The following EIF2B3 variants were observed in gnomAD, a reference collection of about 807,000 sequenced individuals.
EIF2B3 encodes the protein translation initiation factor eIF2B subunit gamma.
EIF2B3 carries 20 observed loss-of-function variants against 54.1 expected under a neutral mutation model. That is an observed-to-expected ratio of 0.37 (90% CI 0.26 to 0.54). The LOEUF (loss-of-function observed/expected upper bound fraction) is 0.54, where lower values mean the gene tolerates loss of function less well. Ranked by LOEUF, EIF2B3 falls within the 20% of genes least tolerant of loss-of-function variation. EIF2B3 has a pLI of 0.86. For missense variants in EIF2B3, 448 were observed against 547.8 expected (o/e 0.82, Z 1.82); for synonymous variants, 153 against 188.1 (o/e 0.81, Z 1.52).
chr1:44,938,374 T>C (rs957385234), intron 4 of EIF2B3, among the ~76,000 whole-genome samples: 4 of 151,720 alleles, frequency 2.6e-5, no homozygotes, highest in Non-Finnish European at 5.9e-5. Flanking sequence ...TTGACAGGAG[T>C]GATGGCTGGT....
intron 6 of EIF2B3, among the ~76,000 whole-genome samples, chr1:44,892,482 AGGAG>A (rs368852811): frequency 1.6e-4 from 25 of 152,124 alleles, no homozygotes; most frequent in African/African-American, 6.0e-4. Context: ...CGGGAGGCTG[AGGAG>A]GGAGGATCAC....
chr1:44,876,703 A>G (rs1448400641), intron 8 of EIF2B3, among the ~76,000 whole-genome samples: 1 of 138,236 alleles, frequency 7.2e-6, no homozygotes, highest in Non-Finnish European at 1.5e-5. Flanking sequence ...TGTACCCAAC[A>G]GCTCATTGAG....
In EIF2B3 at chr1:44,975,703, G is replaced by A. The variant is rs137995246; in HGVS notation, c.294+2612C>T. Among the ~76,000 whole-genome samples the A allele has an allele frequency of 5.2e-3, 788 of 152,276 alleles. 10 individuals carry two copies. Among genetic ancestry groups the A allele is most frequent in the African/African-American group, 0.018 (755 of 41,556 alleles). On this transcript the variant is annotated intron_variant, in intron 3 of 11. Transcript: ENST00000360403. The stretch of plus-strand genomic sequence containing the variant: ...TGTCAAATCTGAGCTGGGTGAGGTC[G>A]CTCATGTGTGTAATCCCAGCACTTT...
At chr1:44,975,181 A>G (rs1195123075) in intron 3 of EIF2B3, among the ~76,000 whole-genome samples, 5 of 152,094 alleles carry the variant, frequency 3.3e-5, no homozygotes, top group African/African-American at 1.2e-4. Flanking sequence ...ACACCACTGC[A>G]CTCCAGCCTG....
rs116735076 is a variant in EIF2B3, at chr1:44,908,113, C to T, written c.567-10669G>A. 2.2e-3 allele frequency among the ~76,000 whole-genome samples: 328 copies of T among 152,274 alleles called. 2 individuals carry two copies. Among genetic ancestry groups the T allele is most frequent in the Non-Finnish European group, 3.7e-3 (250 of 68,022 alleles). On this transcript the variant is annotated intron_variant, in intron 5 of 11. Transcript: ENST00000360403. ...AATTCACAAGATTAAGAAGTCTCAG[C>T]TCTGCCTATAAAGACTCTGTTGCCA...
intron 5 of EIF2B3, among the ~76,000 whole-genome samples, chr1:44,915,271 G>T (rs1030785454): frequency 1.3e-5 from 2 of 151,230 alleles, no homozygotes; most frequent in African/African-American, 2.4e-5. Flanking sequence ...CTGCACTCCA[G>T]TCTGGGTGAC....
chr1:44,983,127 A>G (rs529003159), intron 1 of EIF2B3, among the ~76,000 whole-genome samples: 3 of 152,084 alleles, frequency 2.0e-5, no homozygotes, highest in South Asian at 2.1e-4. Flanking sequence ...TATGCTGCCC[A>G]GGCTGGTCTC....
intron 3 of EIF2B3, among the ~76,000 whole-genome samples, chr1:44,943,047 C>T (rs149366364): frequency 4.0e-5 from 6 of 151,266 alleles, no homozygotes; most frequent in Non-Finnish European, 5.9e-5. Flanking sequence ...TTAGTAGAGA[C>T]GGTGTTTCAC....
At chr1:44,986,053 G>C (rs1402131298) in intron 1 of EIF2B3, among the ~76,000 whole-genome samples, 1 of 152,122 alleles carries the variant, frequency 6.6e-6, no homozygotes, top group Admixed American at 6.6e-5. Flanking sequence ...AGTGCTAAAG[G>C]CGTCTGGTAC....
At chr1:44,919,775 G>A (rs1459158104) in intron 5 of EIF2B3, among the ~76,000 whole-genome samples, 1 of 142,814 alleles carries the variant, frequency 7.0e-6, no homozygotes, top group South Asian at 2.2e-4. Context: ...GCAGTGCAGT[G>A]GTGCAATCTC....
chr1:44,953,871 C>T (rs182279014), intron 3 of EIF2B3, among the ~76,000 whole-genome samples: 4 of 152,308 alleles, frequency 2.6e-5, no homozygotes, highest in Non-Finnish European at 1.5e-5. Flanking sequence ...GAGCATAATT[C>T]ACTCATTGAA....
intron 6 of EIF2B3, among the ~76,000 whole-genome samples, chr1:44,885,716 C>T (rs778848013): frequency 6.6e-6 from 1 of 151,206 alleles, no homozygotes; most frequent in African/African-American, 2.4e-5. Flanking sequence ...ACCTCTATAA[C>T]AGAATGTCAT....
intron 3 of EIF2B3, among the ~76,000 whole-genome samples, chr1:44,942,304 T>C (rs1399531039): frequency 6.9e-6 from 1 of 144,622 alleles, no homozygotes; most frequent in Non-Finnish European, 1.5e-5. Flanking sequence ...AGTTGGTATT[T>C]AATAATTGTT....
chr1:44,915,871 T>C (rs1334081736), intron 5 of EIF2B3, among the ~76,000 whole-genome samples: 2 of 152,178 alleles, frequency 1.3e-5, no homozygotes, highest in African/African-American at 4.8e-5. Flanking sequence ...ATCTTCACCA[T>C]TAAAGATACT....
At chr1:44,888,812 A>C (rs1007467209) in intron 6 of EIF2B3, among the ~76,000 whole-genome samples, 2 of 152,228 alleles carry the variant, frequency 1.3e-5, no homozygotes, top group Non-Finnish European at 2.9e-5. Context: ...TGACCTTGTA[A>C]CCATGTGGCC....
At chr1:44,856,561 G>A (rs990378706) in intron 11 of EIF2B3, among the ~76,000 whole-genome samples, 1 of 150,500 alleles carries the variant, frequency 6.6e-6, no homozygotes, top group Admixed American at 6.6e-5. Context: ...AAAATCTGAG[G>A]GCTTAATGAT....
intron 5 of EIF2B3, among the ~76,000 whole-genome samples, chr1:44,900,316 G>A (rs902206840): frequency 4.6e-5 from 7 of 151,796 alleles, no homozygotes; most frequent in African/African-American, 9.7e-5. Flanking sequence ...GTGTGCTGGC[G>A]GATACCTGTA....
intron 10 of EIF2B3, among the ~76,000 whole-genome samples, chr1:44,866,415 CA>C (rs1654781889): frequency 6.8e-6 from 1 of 148,082 alleles, no homozygotes; most frequent in South Asian, 2.2e-4. Context: ...AAAAAACAAA[CA>C]AAACTATATT....
At chr1:44,960,624 C>T (rs374767282) in intron 3 of EIF2B3, among the ~76,000 whole-genome samples, 2 of 151,192 alleles carry the variant, frequency 1.3e-5, no homozygotes, top group East Asian at 3.9e-4. Context: ...GGCAACACAG[C>T]GAGACCCCGT....
Sources: gnomAD v4.1 joint callset for allele counts (sites outside exome capture counted in the v4.1 genomes callset) on GRCh38, gnomAD v4.1.1 for gene constraint, MANE v1.5 for transcripts, NCBI Gene and HGNC (gene_info 2026-07-23, HGNC 2026-07-21) for gene names.